Variants in ASMTL observed in about 807,000 individuals in gnomAD.
The protein encoded by ASMTL is acetylserotonin O-methyltransferase like, also known as probable bifunctional dTTP/UTP pyrophosphatase/methyltransferase protein.
ASMTL carries 57 observed loss-of-function variants against 60.3 expected under a neutral mutation model. That is an observed-to-expected ratio of 0.95 (90% CI 0.76 to 1.18). The LOEUF is 1.18. ASMTL is among the 50% of genes most tolerant of loss of function. The pLI is 0.00. For missense variants in ASMTL, 981 were observed against 852.6 expected (o/e 1.15, Z -1.88); for synonymous variants, 419 against 373.0 (o/e 1.12, Z -1.42).
chrX:1,432,702 G>T (rs1294604561), intron 5 of ASMTL, among the ~76,000 whole-genome samples: 2 of 79,630 alleles, frequency 2.5e-5, no homozygotes, highest in African/African-American at 5.1e-5. Context: ...GGTAGTAGGT[G>T]CCTGTAGTCC....
rs779844341 is a variant in ASMTL at position 1,415,718 on chromosome X, A to G, written c.1522+2255T>C. Among the ~76,000 whole-genome samples, 234 of 152,274 alleles carry G rather than the reference A, an allele frequency of 1.5e-3. 1 individual carries two copies. Among genetic ancestry groups the G allele is most frequent in the African/African-American group, 5.5e-3 (227 of 41,570 alleles). ...TGACCACAGGGGATCCGCCCGCCTC[A>G]GCCTCCCAGAGTGCTGGGATTACAG... On this transcript the variant is annotated intron_variant, in intron 11 of 12. Coordinates refer to ENST00000381317, the MANE Select transcript of ASMTL (RefSeq NM_004192.4).
intron 1 of ASMTL, among the ~76,000 whole-genome samples, chrX:1,452,134 C>T (rs1188728931): frequency 2.0e-5 from 3 of 150,360 alleles, no homozygotes; most frequent in Non-Finnish European, 4.4e-5. Context: ...CTCTCCCCAA[C>T]CCCATCCCTA....
chrX:1,452,920 A>G (rs2091432834), upstream of ASMTL: 3 of 1,137,596 alleles, frequency 2.6e-6, no homozygotes, highest in Non-Finnish European at 2.4e-6. Flanking sequence ...CAAAAAAAAC[A>G]GGCGGCCAGA....
rs1246746992 is a variant in ASMTL, at chrX:1,415,591, G to A, written c.1522+2382C>T. 2.0e-5 allele frequency among the ~76,000 whole-genome samples: 3 copies of A among 151,448 alleles called. 1 individual carries two copies. Among genetic ancestry groups the A allele is most frequent in the Non-Finnish European group, 2.9e-5 (2 of 67,898 alleles). On this transcript the variant is annotated intron_variant, in intron 11 of 12. Transcript: ENST00000381317. ...AGCGATTTTCCTGCCTCAGCCTCCT[G>A]AGTAGCTGGGATTACAGGCGCCCGC...
chrX:1,438,707 T>A lies in ASMTL; in HGVS notation c.273+390A>T, dbSNP rs1198713520. ...TGATATAGAATTAATGTAGCTTATC[T>A]GTTACTATGTGTTATAATATTCTCT... On this transcript the variant is annotated intron_variant, in intron 3 of 12. Coordinates refer to ENST00000381317, the MANE Select transcript of ASMTL (RefSeq NM_004192.4). Among the ~76,000 whole-genome samples, 4 of 152,370 alleles carry A rather than the reference T, an allele frequency of 2.6e-5. No homozygotes were observed. The East Asian group carries it at 5.8e-4, about 22-fold the overall frequency.
intron 12 of ASMTL, among the ~76,000 whole-genome samples, chrX:1,412,320 C>T (rs28406610): frequency 0.31 from 46,397 of 151,984 alleles, 7,432 homozygotes; most frequent in South Asian, 0.48. Context: ...CTCCAGCTCC[C>T]GGGTTCAAGT....
chrX:1,433,385 A>G (rs1278247879), intron 5 of ASMTL, among the ~76,000 whole-genome samples: 5 of 147,836 alleles, frequency 3.4e-5, no homozygotes, highest in South Asian at 2.2e-4. Context: ...CCCAGAAGGG[A>G]CCGCGCGCGG....
chrX:1,436,443 C>A (rs1454867656), intron 3 of ASMTL, among the ~76,000 whole-genome samples: 2 of 152,166 alleles, frequency 1.3e-5, no homozygotes, highest in African/African-American at 4.8e-5. Flanking sequence ...AGCTCCGCCT[C>A]CCGGGTTCAC....
intron 9 of ASMTL, among the ~76,000 whole-genome samples, chrX:1,420,484 G>C (rs2090453803): frequency 1.3e-5 from 2 of 152,130 alleles, no homozygotes; most frequent in Non-Finnish European, 2.9e-5. Flanking sequence ...CTGACTCCGT[G>C]CTCACTGCCA....
intron 12 of ASMTL, among the ~76,000 whole-genome samples, chrX:1,410,770 C>T (rs1175040936): frequency 3.3e-5 from 5 of 151,924 alleles, no homozygotes; most frequent in African/African-American, 1.2e-4. Context: ...CATGCCTGTA[C>T]TTCCAGCTAC....
intron 1 of ASMTL, among the ~76,000 whole-genome samples, chrX:1,442,905 G>A (rs1275074018): frequency 6.6e-6 from 1 of 152,150 alleles, no homozygotes; most frequent in Admixed American, 6.5e-5. Flanking sequence ...TCCAGTGGGG[G>A]AGCCCCTGGC....
chrX:1,414,975 G>C (rs747821176), intron 11 of ASMTL, among the ~76,000 whole-genome samples: 2 of 152,000 alleles, frequency 1.3e-5, no homozygotes, highest in South Asian at 4.2e-4. Flanking sequence ...GAGTTTTGCT[G>C]TGTTGCCCAG....
chrX:1,436,416 G>C (rs1372132561), intron 3 of ASMTL, among the ~76,000 whole-genome samples: 1 of 152,020 alleles, frequency 6.6e-6, no homozygotes, highest in Non-Finnish European at 1.5e-5. Flanking sequence ...GCAGTGGCGC[G>C]ATCTCGGCTC....
chrX:1,404,371 A>G (rs1469805212), intron 12 of ASMTL, among the ~76,000 whole-genome samples: 12 of 149,974 alleles, frequency 8.0e-5, no homozygotes, highest in Admixed American at 7.3e-4. Context: ...GGATGGGTGA[A>G]TAGATGGTAG....
At position 1,403,221 on chromosome X, in the gene ASMTL, C is replaced by T; in HGVS notation, c.*48G>A. ...GGTACTTGGGGACCGGGCGGTCCAC[C>T]TGCAGCCTGGGGGAGGACATCCCTA... is the stretch of plus-strand genomic sequence containing the variant. On this transcript the variant is annotated 3_prime_UTR_variant, in exon 13 of 13. Coordinates refer to ENST00000381317, the MANE Select transcript of ASMTL (RefSeq NM_004192.4). 1 of 1,557,370 alleles carries T rather than the reference C, an allele frequency of 6.4e-7. No homozygotes were observed. Among genetic ancestry groups the T allele is most frequent in the Non-Finnish European group, 8.8e-7 (1 of 1,132,108 alleles).
intron 6 of ASMTL, among the ~76,000 whole-genome samples, chrX:1,431,527 T>G (rs1157823208): frequency 1.4e-5 from 2 of 142,366 alleles, no homozygotes; most frequent in African/African-American, 5.1e-5. Context: ...ATCATTAAAT[T>G]TCAATCAAAA....
chrX:1,431,989 A>G, intron 6 of ASMTL: 2 of 482,304 alleles, frequency 4.1e-6, no homozygotes, highest in Non-Finnish European at 7.4e-6. Context: ...CACCACGTGA[A>G]CTCCTCTACC....
chrX:1,427,169 G>A (rs2090634996), intron 7 of ASMTL, among the ~76,000 whole-genome samples: 1 of 151,992 alleles, frequency 6.6e-6, no homozygotes, highest in Admixed American at 6.6e-5. Context: ...GGAGACAAAG[G>A]CAGAGACTGG....
At chrX:1,435,151 C>G in intron 4 of ASMTL, 68 bp from the exon 5 acceptor site, 1 of 1,553,642 alleles carries the variant, frequency 6.4e-7, no homozygotes, top group Admixed American at 1.7e-5. Context: ...GCGAGTTTCT[C>G]AAAACCAGGG....
Sources: gnomAD v4.1 joint callset for allele counts (sites outside exome capture counted in the v4.1 genomes callset) on GRCh38, gnomAD v4.1.1 for gene constraint, MANE v1.5 for transcripts, NCBI Gene and HGNC (gene_info 2026-07-23, HGNC 2026-07-21) for gene names.